The following DNAAF4 variants were observed in gnomAD, a reference collection of about 807,000 sequenced individuals.
The protein encoded by DNAAF4 is dynein axonemal assembly factor 4.
DNAAF4 carries 43 observed loss-of-function variants against 51.8 expected under a neutral mutation model. The observed-to-expected ratio is 0.83, with a 90% CI of 0.65 to 1.07. DNAAF4 has a LOEUF of 1.07. Among genes scored for constraint, DNAAF4 ranks in the 50% least tolerant of loss-of-function variants. The pLI is 0.00. For missense variants in DNAAF4, 581 were observed against 493.0 expected, an observed-to-expected ratio of 1.18 and a Z score of -1.69; for synonymous variants, 194 against 165.6, an observed-to-expected ratio of 1.17 and a Z score of -1.32.
intron 8 of DNAAF4, among the ~76,000 whole-genome samples, chr15:55,433,946 A>T (rs111280236): frequency 0.02 from 45 of 2,234 alleles, 6 homozygotes; most frequent in Admixed American, 0.071. Flanking sequence ...AATATATATA[A>T]TATATATAAT....
intron 4 of DNAAF4, among the ~76,000 whole-genome samples, chr15:55,474,051 G>C (rs1329205411): frequency 2.0e-5 from 3 of 151,838 alleles, no homozygotes; most frequent in Non-Finnish European, 4.4e-5. Context: ...AAATCACTAA[G>C]GCAAGTATAC....
At chr15:55,434,876 C>T (rs751345865) in intron 8 of DNAAF4, 29 bp downstream of exon 8, 1 of 1,501,394 alleles carries the variant, frequency 6.7e-7, no homozygotes, top group South Asian at 1.3e-5. Context: ...ATATTTAAAG[C>T]ACCATATATC....
In DNAAF4 at chr15:55,475,147, A is replaced by T. The variant is rs141780339; in HGVS notation, c.406-7986T>A. ...TGATGCGCTGCAAATTTACAAAGTC[A>T]ATGTAAATTCAATCAAAATACCAAG... is the stretch of plus-strand genomic sequence containing the variant. On this transcript the variant is annotated intron_variant, in intron 4 of 9. Coordinates refer to ENST00000321149, the MANE Select transcript of DNAAF4 (RefSeq NM_130810.4). 2.0e-3 allele frequency among the ~76,000 whole-genome samples: 312 copies of T among 152,320 alleles called. 1 individual carries two copies. Among genetic ancestry groups the T allele is most frequent in the Non-Finnish European group, 3.7e-3 (255 of 68,026 alleles).
chr15:55,502,162 T>G (rs749011675), intron 1 of DNAAF4, among the ~76,000 whole-genome samples: 1 of 152,092 alleles, frequency 6.6e-6, no homozygotes, highest in Non-Finnish European at 1.5e-5. Context: ...CAAGATGAAT[T>G]CATTGCTCAC....
At chr15:55,450,003 G>C (rs972943275) in intron 6 of DNAAF4, among the ~76,000 whole-genome samples, 2 of 151,878 alleles carry the variant, frequency 1.3e-5, no homozygotes, top group Non-Finnish European at 2.9e-5. Context: ...CCGGCCTACT[G>C]TACATATATT....
intron 7 of DNAAF4, chr15:55,418,486 T>C: frequency 6.5e-7 from 1 of 1,529,068 alleles, no homozygotes; most frequent in Non-Finnish European, 8.8e-7. Flanking sequence ...TCAGAGCAAC[T>C]GGATTTTATC....
At chr15:55,467,283 A>C (rs2058184329) in intron 4 of DNAAF4, 122 bp from the exon 5 acceptor site, 4 of 930,620 alleles carry the variant, frequency 4.3e-6, no homozygotes, top group East Asian at 2.6e-5. Flanking sequence ...TATTTGTAAC[A>C]ATAGGTAGTA....
At chr15:55,442,209 CCCGGGTTCAAGCAATTCT>C (rs2057725694) in intron 6 of DNAAF4, among the ~76,000 whole-genome samples, 1 of 152,228 alleles carries the variant, frequency 6.6e-6, no homozygotes, top group South Asian at 2.1e-4. Context: ...ACCTCCGCTT[CCCGGGTTCAAGCAATTCT>C]CCTGCCTCAG....
downstream of DNAAF4, among the ~76,000 whole-genome samples, chr15:55,427,510 A>G (rs1220297272): frequency 2.0e-5 from 3 of 152,128 alleles, no homozygotes; most frequent in Non-Finnish European, 2.9e-5. Flanking sequence ...ACAAGATTAG[A>G]TGAGTCAGTT....
chr15:55,435,368 A>T (rs1260352464), intron 7 of DNAAF4, among the ~76,000 whole-genome samples: 1 of 152,198 alleles, frequency 6.6e-6, no homozygotes, highest in Non-Finnish European at 1.5e-5. Context: ...ACTTAGGATG[A>T]AGCCTGTGGG....
chr15:55,443,577 G>A (rs1249505536), intron 6 of DNAAF4, among the ~76,000 whole-genome samples: 1 of 152,226 alleles, frequency 6.6e-6, no homozygotes, highest in Non-Finnish European at 1.5e-5. Context: ...TGGGATGGCT[G>A]GGTCAAATGG....
chr15:55,438,571 C>T (rs940679972), intron 7 of DNAAF4, among the ~76,000 whole-genome samples: 6 of 151,930 alleles, frequency 3.9e-5, no homozygotes, highest in Non-Finnish European at 7.4e-5. Context: ...CACTAGAGGT[C>T]AGGAGTTCAA....
intron 7 of DNAAF4, among the ~76,000 whole-genome samples, chr15:55,425,292 C>T (rs574858260): frequency 6.6e-6 from 1 of 152,206 alleles, no homozygotes; most frequent in Non-Finnish European, 1.5e-5. Context: ...ACCATCCCCC[C>T]GGTGATAACT....
At chr15:55,481,621 T>A (rs549423410) in intron 4 of DNAAF4, among the ~76,000 whole-genome samples, 2 of 152,284 alleles carry the variant, frequency 1.3e-5, no homozygotes, top group East Asian at 3.9e-4. Flanking sequence ...TGGTCCCCAA[T>A]ATGTAGGGAC....
chr15:55,476,041 G>A (rs77478382), intron 4 of DNAAF4, among the ~76,000 whole-genome samples: 1 of 152,126 alleles, frequency 6.6e-6, no homozygotes, highest in African/African-American at 2.4e-5. Context: ...GAAAAAAACA[G>A]AACTATAAAC....
intron 9 of DNAAF4, among the ~76,000 whole-genome samples, chr15:55,431,958 A>ATT (rs906220862): frequency 2.1e-5 from 3 of 141,412 alleles, no homozygotes; most frequent in Admixed American, 1.4e-4. Context: ...GTAATATAGC[A>ATT]TTTTTTTTTT....
intron 6 of DNAAF4, among the ~76,000 whole-genome samples, chr15:55,447,402 C>G (rs948838616): frequency 2.0e-4 from 31 of 152,144 alleles, no homozygotes; most frequent in African/African-American, 7.2e-4. Flanking sequence ...GTAATCTTAG[C>G]ACTTTGGGAG....
chr15:55,431,117 G>A (rs1171641280), intron 9 of DNAAF4, among the ~76,000 whole-genome samples: 1 of 151,958 alleles, frequency 6.6e-6, no homozygotes, highest in Non-Finnish European at 1.5e-5. Flanking sequence ...GTTTCACCGT[G>A]TTAGCCAGTA....
intron 6 of DNAAF4, among the ~76,000 whole-genome samples, chr15:55,447,917 C>T (rs1447333386): frequency 1.3e-5 from 2 of 149,458 alleles, no homozygotes; most frequent in Admixed American, 1.4e-4. Context: ...TGCCTGACTG[C>T]CCTGGCCAGA....
Sources: gnomAD v4.1 joint callset for allele counts (sites outside exome capture counted in the v4.1 genomes callset) on GRCh38, gnomAD v4.1.1 for gene constraint, MANE v1.5 for transcripts, NCBI Gene and HGNC (gene_info 2026-07-23, HGNC 2026-07-21) for gene names.